The following TTC23 variants were observed in gnomAD, a reference collection of about 807,000 sequenced individuals.
TTC23 encodes tetratricopeptide repeat domain 23.
TTC23 carries 58 observed loss-of-function variants against 55.1 expected under a neutral mutation model. The observed-to-expected ratio is 1.05, with a 90% CI of 0.85 to 1.31. TTC23 has a LOEUF of 1.31. Ranked by LOEUF, TTC23 falls within the 50% of genes most tolerant of loss-of-function variation. The pLI, the probability that TTC23 is intolerant of heterozygous loss-of-function variation, is 0.00. For synonymous variants in TTC23, 203 were observed against 199.9 expected (o/e 1.02, Z -0.13); for missense variants, 516 against 534.4 (o/e 0.97, Z 0.34).
rs373212623 is a variant in TTC23 at position 99,228,620 on chromosome 15, C to T, written c.93G>A (p.Lys31=). The change falls in exon 5 of 14, where the codon AAG becomes AAA. Residue 31 remains lysine (K), a synonymous_variant. Transcript: ENST00000394132. ...SITHRKKFQN[K]LLQTALFQPP... Reference sequence around the variant, plus strand: ...GCTGGAATAGTGCTGTCTGAAGCAGCTTGTTTTGGAACTTCTTTCTATGAG... The same window carrying T: ...GCTGGAATAGTGCTGTCTGAAGCAGTTTGTTTTGGAACTTCTTTCTATGAG... 2.2e-5 allele frequency: 35 copies of T among 1,613,902 alleles called. No individual in the cohort carries two copies. Among genetic ancestry groups the T allele is most frequent in the African/African-American group, 2.7e-5 (2 of 74,910 alleles).
intron 9 of TTC23, among the ~76,000 whole-genome samples, chr15:99,178,060 T>C: frequency 6.6e-6 from 1 of 152,102 alleles, no homozygotes; most frequent in East Asian, 1.9e-4. Flanking sequence ...CATACACCTG[T>C]AGTCCCAGCT....
chr15:99,139,373 A>G lies in TTC23; in HGVS notation c.1170T>C (p.Tyr390=), dbSNP rs201218446. ...KKCLQIQTLL[Y]GPQDKRTLAT... ...CCAGAGTCCTTTTGTCCTGCGGTCC[A>G]TATAAGAGGGTCTGGATCTGGAGAC... The change falls in exon 13 of 14, where the codon TAT becomes TAC. Residue 390 remains tyrosine (Y), a synonymous_variant. Transcript: ENST00000394132. 3.5e-4 allele frequency: 561 copies of G among 1,614,136 alleles called. No homozygotes were observed. The highest frequency in any genetic ancestry group is 4.5e-4 in the Non-Finnish European group (534 of 1,180,030).
intron 8 of TTC23, among the ~76,000 whole-genome samples, chr15:99,213,914 T>C (rs1212632734): frequency 6.6e-6 from 1 of 152,210 alleles, no homozygotes; most frequent in South Asian, 2.1e-4. Context: ...AATTTAGTAG[T>C]GATACTGCTG....
chr15:99,211,266 T>C (rs955961508), intron 8 of TTC23, among the ~76,000 whole-genome samples: 5 of 152,076 alleles, frequency 3.3e-5, no homozygotes, highest in Non-Finnish European at 7.4e-5. Context: ...TCCCAGCTAC[T>C]TGGGAGGCTG....
intron 6 of TTC23, among the ~76,000 whole-genome samples, chr15:99,221,329 A>G (rs944811084): frequency 3.3e-5 from 5 of 152,196 alleles, no homozygotes; most frequent in African/African-American, 1.2e-4. Flanking sequence ...ACTTTTGTTT[A>G]TGCCAATTTG....
At chr15:99,208,871 G>A (rs1427690427) in intron 8 of TTC23, among the ~76,000 whole-genome samples, 1 of 152,180 alleles carries the variant, frequency 6.6e-6, no homozygotes, top group Non-Finnish European at 1.5e-5. Context: ...TGTAATGTTT[G>A]AGAGCAATAT....
At chr15:99,178,029 A>G (rs1295217630) in intron 9 of TTC23, among the ~76,000 whole-genome samples, 1 of 152,162 alleles carries the variant, frequency 6.6e-6, no homozygotes, top group Non-Finnish European at 1.5e-5. Flanking sequence ...AAAAATAAAA[A>G]AAATTAGCCA....
chr15:99,214,852 C>CTTTTT (rs777804106), intron 8 of TTC23, among the ~76,000 whole-genome samples: 2 of 99,874 alleles, frequency 2.0e-5, no homozygotes, highest in Admixed American at 1.2e-4. Flanking sequence ...TTCTTTTCTC[C>CTTTTT]TTTTTTTTTT....
chr15:99,177,045 G>C (rs2073644922), intron 9 of TTC23, among the ~76,000 whole-genome samples: 1 of 152,206 alleles, frequency 6.6e-6, no homozygotes, highest in African/African-American at 2.4e-5. Flanking sequence ...TTCTAGTCTG[G>C]ACCATGCAGT....
At chr15:99,141,890 CAAG>C (rs2068269273) in intron 12 of TTC23, among the ~76,000 whole-genome samples, 1 of 151,998 alleles carries the variant, frequency 6.6e-6, no homozygotes, top group South Asian at 2.1e-4. Flanking sequence ...TATACAATAT[CAAG>C]AAGTAGTAAA....
rs782183803 is a variant in TTC23, at chr15:99,139,410, C to T, written c.1144-11G>A. 6.2e-7 allele frequency: 1 copy of T among 1,614,084 alleles called. No homozygotes were observed. Among genetic ancestry groups the T allele is most frequent in the Admixed American group, 1.7e-5 (1 of 60,010 alleles). ...CTGGATCTGGAGACACTGTAGAACA[C>T]CAAGCAGCTATCATGAGGCTATGGA... On this transcript the variant is annotated splice_polypyrimidine_tract_variant and intron_variant, in intron 12 of 13. Coordinates refer to ENST00000394132, the MANE Select transcript of TTC23 (RefSeq NM_001288615.3).
At chr15:99,217,803 C>T (rs2077591700) in intron 8 of TTC23, among the ~76,000 whole-genome samples, 2 of 152,224 alleles carry the variant, frequency 1.3e-5, no homozygotes, top group South Asian at 4.1e-4. Flanking sequence ...TCCTGGGGCC[C>T]TTTCCTAGCA....
intron 12 of TTC23, 155 bp downstream of exon 12, chr15:99,155,993 A>G (rs2070491252): frequency 2.1e-6 from 2 of 937,896 alleles, no homozygotes; most frequent in African/African-American, 1.7e-5. Flanking sequence ...TTACCCAAAA[A>G]GTATCAGGTT....
intron 9 of TTC23, among the ~76,000 whole-genome samples, chr15:99,193,901 C>T (rs546330542): frequency 6.6e-6 from 1 of 151,556 alleles, no homozygotes; most frequent in African/African-American, 2.4e-5. Context: ...CCCAGCTACT[C>T]GGGAGGCTGA....
chr15:99,232,248 G>A (rs1179664666), intron 4 of TTC23, among the ~76,000 whole-genome samples: 2 of 151,830 alleles, frequency 1.3e-5, no homozygotes, highest in Non-Finnish European at 2.9e-5. Context: ...GGGAGGCCAA[G>A]GTGAGCGGAT....
At chr15:99,184,801 C>T (rs2074508752) in intron 9 of TTC23, among the ~76,000 whole-genome samples, 1 of 152,106 alleles carries the variant, frequency 6.6e-6, no homozygotes, top group Non-Finnish European at 1.5e-5. Flanking sequence ...ATGGGAGAGG[C>T]CACAGGCAAA....
chr15:99,205,697 T>TA (rs761077156), intron 8 of TTC23, among the ~76,000 whole-genome samples: 1 of 152,124 alleles, frequency 6.6e-6, no homozygotes, highest in Non-Finnish European at 1.5e-5. Flanking sequence ...TCAGTTCTCA[T>TA]AGCTTTTTGG....
At chr15:99,225,095 C>A (rs376317985) in intron 5 of TTC23, among the ~76,000 whole-genome samples, 1 of 152,162 alleles carries the variant, frequency 6.6e-6, no homozygotes, top group Non-Finnish European at 1.5e-5. Flanking sequence ...TCTGTCCCAA[C>A]TACAGATTTC....
chr15:99,198,885 T>C (rs2075966334), intron 9 of TTC23, among the ~76,000 whole-genome samples: 2 of 152,222 alleles, frequency 1.3e-5, no homozygotes, highest in Non-Finnish European at 2.9e-5. Context: ...GTCTGTATCT[T>C]ACAACTTTTA....
Sources: allele counts gnomAD v4.1 joint callset (sites outside exome capture counted in the v4.1 genomes callset), GRCh38; gene constraint gnomAD v4.1.1; transcripts MANE v1.5; gene names NCBI Gene and HGNC (gene_info 2026-07-23, HGNC 2026-07-21).